The following AGBL4 variants were observed in gnomAD, a reference collection of about 807,000 sequenced individuals.
AGBL4 encodes the protein AGBL carboxypeptidase 4.
AGBL4 carries 58 observed loss-of-function variants against 66.4 expected under a neutral mutation model. The observed-to-expected ratio is 0.87, with a 90% CI of 0.71 to 1.09. The LOEUF (loss-of-function observed/expected upper bound fraction) is 1.09. Ranked by LOEUF, AGBL4 falls within the 50% of genes least tolerant of loss-of-function variation. The pLI is 0.00. For synonymous variants in AGBL4, 234 were observed against 222.9 expected, an observed-to-expected ratio of 1.05 and a Z score of -0.44; for missense variants, 579 against 631.0, an observed-to-expected ratio of 0.92 and a Z score of 0.88.
intron 5 of AGBL4, among the ~76,000 whole-genome samples, chr1:48,955,675 G>A (rs1011319942): frequency 3.3e-5 from 5 of 152,150 alleles, no homozygotes; most frequent in Non-Finnish European, 5.9e-5. Context: ...GAGCCACTAT[G>A]CCTGGCCCCT....
intron 6 of AGBL4, among the ~76,000 whole-genome samples, chr1:48,692,609 C>G (rs1229485314): frequency 6.6e-6 from 1 of 152,210 alleles, no homozygotes; most frequent in Non-Finnish European, 1.5e-5. Context: ...CTGATTCTAT[C>G]CATGTGAGGA....
intron 3 of AGBL4, among the ~76,000 whole-genome samples, chr1:49,671,797 C>G (rs755593783): frequency 3.7e-4 from 57 of 152,158 alleles, no homozygotes; most frequent in Middle Eastern, 6.8e-3. Context: ...CCATCTCATA[C>G]CAGTCAAAAT....
chr1:49,995,482 G>A, intron 1 of AGBL4: 1 of 350,996 alleles, frequency 2.8e-6, no homozygotes, highest in African/African-American at 2.1e-5. Flanking sequence ...CCCCACAGGG[G>A]CTGAAGCAGG....
At chr1:49,391,395 C>A (rs1327023815) in intron 3 of AGBL4, among the ~76,000 whole-genome samples, 1 of 152,032 alleles carries the variant, frequency 6.6e-6, no homozygotes. Context: ...CTAGAGAAAC[C>A]AGTCAGAATG....
intron 5 of AGBL4, among the ~76,000 whole-genome samples, chr1:49,029,816 C>T (rs1015210346): frequency 6.6e-6 from 1 of 152,110 alleles, no homozygotes; most frequent in Admixed American, 6.5e-5. Context: ...ATTGTACTGG[C>T]ACAAGGATAG....
chr1:49,482,524 C>A (rs1033823231), intron 3 of AGBL4, among the ~76,000 whole-genome samples: 10 of 151,216 alleles, frequency 6.6e-5, no homozygotes, highest in African/African-American at 2.4e-4. Context: ...TCTCCCTTTT[C>A]TTCTTTATTA....
chr1:48,654,953 T>C (rs1645995656), intron 7 of AGBL4, among the ~76,000 whole-genome samples: 1 of 152,232 alleles, frequency 6.6e-6, no homozygotes, highest in Non-Finnish European at 1.5e-5. Context: ...GGGCTAATAA[T>C]TGCTTAATCT....
At chr1:49,637,938 A>C (rs543427217) in intron 3 of AGBL4, among the ~76,000 whole-genome samples, 234 of 152,298 alleles carry the variant, frequency 1.5e-3, no homozygotes, top group Non-Finnish European at 2.7e-3. Context: ...CACATGAAAA[A>C]AATATATTTC....
intron 3 of AGBL4, among the ~76,000 whole-genome samples, chr1:49,573,150 G>C (rs1255951607): frequency 1.2e-4 from 9 of 74,796 alleles, no homozygotes; most frequent in African/African-American, 7.1e-4. Context: ...GTGTGTCTGT[G>C]TGTGTGTGTG....
At chr1:49,391,368 A>C (rs1644841484) in intron 3 of AGBL4, among the ~76,000 whole-genome samples, 1 of 152,176 alleles carries the variant, frequency 6.6e-6, no homozygotes, top group South Asian at 2.1e-4. Flanking sequence ...TATGGACTGA[A>C]AGGGATCAGA....
intron 5 of AGBL4, among the ~76,000 whole-genome samples, chr1:48,952,737 A>C (rs772284666): frequency 2.3e-4 from 35 of 152,294 alleles, no homozygotes; most frequent in Non-Finnish European, 4.0e-4. Flanking sequence ...AATTGGATAG[A>C]TCCCAGGCTA....
At chr1:48,735,584 C>A (rs1376232168) in intron 6 of AGBL4, among the ~76,000 whole-genome samples, 1 of 151,956 alleles carries the variant, frequency 6.6e-6, no homozygotes, top group East Asian at 1.9e-4. Flanking sequence ...ATTCCAGAGT[C>A]CAGGATACAG....
chr1:49,431,856 C>G (rs544897963), intron 3 of AGBL4, among the ~76,000 whole-genome samples: 2 of 152,032 alleles, frequency 1.3e-5, no homozygotes, highest in African/African-American at 4.8e-5. Flanking sequence ...TGTGGCAGGC[C>G]AGGTCTCACT....
chr1:48,621,506 T>A (rs1199328587), intron 9 of AGBL4, among the ~76,000 whole-genome samples: 1 of 152,188 alleles, frequency 6.6e-6, no homozygotes, highest in Non-Finnish European at 1.5e-5. Context: ...GGAAAATTGT[T>A]GGAAAGTATA....
intron 1 of AGBL4, among the ~76,000 whole-genome samples, chr1:50,019,104 G>A (rs1662217034): frequency 1.3e-5 from 2 of 152,016 alleles, no homozygotes; most frequent in South Asian, 4.1e-4. Flanking sequence ...GGGGTATTAT[G>A]TAATTGACAG....
chr1:49,434,254 A>G (rs535212909), intron 3 of AGBL4, among the ~76,000 whole-genome samples: 67 of 150,702 alleles, frequency 4.4e-4, no homozygotes, highest in Non-Finnish European at 8.7e-4. Context: ...TAAGAAATCA[A>G]TCCAGCAATA....
At chr1:48,724,777 A>G (rs1647205707) in intron 6 of AGBL4, among the ~76,000 whole-genome samples, 1 of 152,226 alleles carries the variant, frequency 6.6e-6, no homozygotes, top group Admixed American at 6.5e-5. Flanking sequence ...CAAGCACCTA[A>G]AAAGTCACCA....
At chr1:48,558,733 G>A (rs1457102196) in intron 11 of AGBL4, among the ~76,000 whole-genome samples, 1 of 152,182 alleles carries the variant, frequency 6.6e-6, no homozygotes, top group Non-Finnish European at 1.5e-5. Flanking sequence ...TTCAGACCAA[G>A]CCTTGATGAT....
At chr1:49,464,333 C>T (rs1646580019) in intron 3 of AGBL4, among the ~76,000 whole-genome samples, 2 of 151,600 alleles carry the variant, frequency 1.3e-5, no homozygotes, top group African/African-American at 4.8e-5. Context: ...GGAGGCTTGC[C>T]CAATGTTACA....
Sources: allele counts gnomAD v4.1 joint callset (sites outside exome capture counted in the v4.1 genomes callset), GRCh38; gene constraint gnomAD v4.1.1; transcripts MANE v1.5; gene names NCBI Gene and HGNC (gene_info 2026-07-23, HGNC 2026-07-21).